The following HYDIN variants were observed in gnomAD, a reference collection of about 807,000 sequenced individuals.
The protein encoded by HYDIN is HYDIN axonemal central pair apparatus protein.
A neutral mutation model predicts 403.9 loss-of-function variants in HYDIN; 132 were observed. The observed-to-expected ratio is 0.33, with a 90% CI of 0.28 to 0.38. HYDIN has a LOEUF of 0.38. HYDIN is among the 10% of genes least tolerant of loss of function. The probability of loss-of-function intolerance (pLI) is 1.00; values close to 1 mark genes in which losing one functional copy is unlikely to be tolerated. For missense variants in HYDIN, 2,827 were observed against 5,009.5 expected, an observed-to-expected ratio of 0.56 and a Z score of 13.15; for synonymous variants, 1,202 against 1,891.7, an observed-to-expected ratio of 0.64 and a Z score of 9.46.
chr16:71,224,565 T>C (rs1354166340), intron 1 of HYDIN, among the ~76,000 whole-genome samples: 5 of 145,246 alleles, frequency 3.4e-5, no homozygotes, highest in Non-Finnish European at 7.6e-5. Flanking sequence ...TTTTCTTTTT[T>C]TTTTTTTTTT....
intron 14 of HYDIN, among the ~76,000 whole-genome samples, chr16:71,068,877 C>T (rs2082362711): frequency 1.3e-5 from 2 of 152,188 alleles, no homozygotes; most frequent in Non-Finnish European, 2.9e-5. Context: ...TCATCTTTGG[C>T]ATAAGTGTGG....
chr16:71,217,604 AC>A (rs1196253474), intron 1 of HYDIN, among the ~76,000 whole-genome samples: 1 of 152,132 alleles, frequency 6.6e-6, no homozygotes, highest in Non-Finnish European at 1.5e-5. Flanking sequence ...GAGAAGTTGA[AC>A]CTGACCTATG....
intron 9 of HYDIN, among the ~76,000 whole-genome samples, chr16:71,116,640 C>T (rs1473472243): frequency 1.3e-5 from 2 of 152,040 alleles, no homozygotes; most frequent in African/African-American, 2.4e-5. Flanking sequence ...AATCTACAGT[C>T]CCACCAACAG....
At chr16:70,981,925 G>A (rs1346369110) in intron 28 of HYDIN, among the ~76,000 whole-genome samples, 1 of 151,882 alleles carries the variant, frequency 6.6e-6, no homozygotes, top group Non-Finnish European at 1.5e-5. Context: ...TCAGGAGATC[G>A]AGACTATCCT....
chr16:71,128,473 C>T (rs2084562980), intron 9 of HYDIN, among the ~76,000 whole-genome samples: 1 of 151,564 alleles, frequency 6.6e-6, no homozygotes, highest in Admixed American at 6.6e-5. Flanking sequence ...TCACAAGTGA[C>T]CTTGTATTCT....
chr16:70,982,207 G>A, intron 28 of HYDIN, among the ~76,000 whole-genome samples: 1 of 150,342 alleles, frequency 6.7e-6, no homozygotes. Context: ...ATACAATTAT[G>A]AGAAAACTTT....
At chr16:70,937,669 C>A (rs1290610513) in intron 44 of HYDIN, among the ~76,000 whole-genome samples, 481 of 80,590 alleles carry the variant, frequency 6.0e-3, no homozygotes, top group East Asian at 0.012. Flanking sequence ...GAGTCTGTCT[C>A]AAAAAAAAAA....
rs768138128 is a variant in HYDIN, at chr16:70,985,213, G to A, written c.4304C>T (p.Pro1435Leu). The A allele has an allele frequency of 1.5e-5, 24 of 1,607,166 alleles. No homozygotes were observed. Among genetic ancestry groups the A allele is most frequent in the Non-Finnish European group, 2.0e-5 (24 of 1,176,798 alleles). ...DHQSSPDNLL[P>L]GVPLILPVSG... ...CACAGGCAGGATTAGTGGCACTCCA[G>A]GGAGAAGGTTGTCTGGAGAAGACTG... Residue 1435 changes from proline to leucine, a missense_variant, in exon 28 of 86, where the codon CCT becomes CTT. Pro to Leu is a moderately conservative substitution (Grantham distance 98, BLOSUM62 -3). Transcript: ENST00000393567.
intron 78 of HYDIN, among the ~76,000 whole-genome samples, chr16:70,834,973 TG>T (rs1421056790): frequency 7.8e-6 from 1 of 127,762 alleles, no homozygotes; most frequent in Non-Finnish European, 1.5e-5. Context: ...CACATATATG[TG>T]TGTATATATA....
rs566580744 is a variant in HYDIN at position 71,163,413 on chromosome 16, G to A, written c.517-683C>T. ...GCTGGGATTACAGGCGTGAGCCACCGCGCCCGGCCGATGTTTCTAACTAAT... is the reference window on the plus strand; with the variant it reads ...GCTGGGATTACAGGCGTGAGCCACCACGCCCGGCCGATGTTTCTAACTAAT... On this transcript the variant is annotated intron_variant, in intron 5 of 85. Coordinates refer to ENST00000393567, the MANE Select transcript of HYDIN (RefSeq NM_001270974.2). 7.7e-3 allele frequency among the ~76,000 whole-genome samples: 1,170 copies of A among 152,266 alleles called. 4 individuals are homozygous for A. Among genetic ancestry groups the A allele is most frequent in the Non-Finnish European group, 0.013 (912 of 68,010 alleles).
chr16:71,058,336 C>T (rs1036455386), intron 18 of HYDIN, among the ~76,000 whole-genome samples: 9 of 135,950 alleles, frequency 6.6e-5, no homozygotes, highest in Non-Finnish European at 9.5e-5. Context: ...AGTAAACTAT[C>T]GCAAGAACAA....
At position 71,072,590 on chromosome 16, in the gene HYDIN, T is replaced by C. The variant is rs958028665; in HGVS notation, c.1739-3088A>G. Among the ~76,000 whole-genome samples, 226 of 150,360 alleles carry C rather than the reference T, an allele frequency of 1.5e-3. 3 individuals are homozygous for C. The highest frequency in any genetic ancestry group is 5.3e-3 in the African/African-American group (218 of 41,244). ...ATGTAGAGCATAAAAATAGTATTAC[T>C]GATCTTAAGTTGGCCCAGTTCTCCG... On this transcript the variant is annotated intron_variant, in intron 13 of 85. Transcript: ENST00000393567.
intron 10 of HYDIN, among the ~76,000 whole-genome samples, chr16:71,102,130 T>C (rs954097612): frequency 1.3e-5 from 2 of 151,930 alleles, no homozygotes; most frequent in Non-Finnish European, 2.9e-5. Context: ...CACATATGGC[T>C]AAAAAGCAGT....
chr16:70,816,157 A>AAAC (rs4028347), intron 84 of HYDIN, among the ~76,000 whole-genome samples: 32 of 152,296 alleles, frequency 2.1e-4, no homozygotes, highest in Admixed American at 7.2e-4. Context: ...GATGGAGGAT[A>AAAC]AACAACAACA....
chr16:71,178,351 G>A (rs1416985439), intron 4 of HYDIN, among the ~76,000 whole-genome samples: 3 of 150,226 alleles, frequency 2.0e-5, no homozygotes, highest in East Asian at 2.0e-4. Context: ...CCCAGGAGGC[G>A]GAGGTTGCAG....
intron 1 of HYDIN, among the ~76,000 whole-genome samples, chr16:71,195,209 G>A (rs1252085501): frequency 6.6e-6 from 1 of 151,716 alleles, no homozygotes; most frequent in East Asian, 1.9e-4. Context: ...CACAGTGCCT[G>A]GCACGTAATT....
Position 71,215,605 on chromosome 16 carries a change from T to A in HYDIN, c.-24+14957A>T, listed in dbSNP as rs1441029845. Among the ~76,000 whole-genome samples the A allele has an allele frequency of 2.0e-5, 3 of 151,620 alleles. No individual in the cohort carries two copies. The East Asian group carries it at 5.8e-4, about 29-fold the overall frequency. ...AATACTAGCCAGGTGTGGTGGCTCA[T>A]GCCTGTGATCCCAGCACTTTGGGAG... On this transcript the variant is annotated intron_variant, in intron 1 of 85. Transcript: ENST00000393567.
chr16:70,810,721 T>C (rs912621444), intron 84 of HYDIN, among the ~76,000 whole-genome samples: 6 of 152,032 alleles, frequency 3.9e-5, no homozygotes, highest in Non-Finnish European at 1.5e-5. Context: ...TCCCAGCTAC[T>C]CGGGAGGCTG....
intron 18 of HYDIN, among the ~76,000 whole-genome samples, chr16:71,056,695 T>C (rs935430350): frequency 6.6e-6 from 1 of 152,290 alleles, no homozygotes; most frequent in Non-Finnish European, 1.5e-5. Context: ...GCCCCTCCTG[T>C]CACAGCATCC....
Sources: allele counts gnomAD v4.1 joint callset (sites outside exome capture counted in the v4.1 genomes callset), GRCh38; gene constraint gnomAD v4.1.1; transcripts MANE v1.5; gene names NCBI Gene and HGNC (gene_info 2026-07-23, HGNC 2026-07-21).